The following KRTAP9-9 variants were observed in gnomAD, a reference collection of about 807,000 sequenced individuals.
KRTAP9-9 encodes the protein keratin associated protein 9-9.
KRTAP9-9 carries 12 observed loss-of-function variants against 13.7 expected under a neutral mutation model. The observed-to-expected ratio is 0.88, with a 90% CI of 0.56 to 1.42. The LOEUF is 1.42. KRTAP9-9 is among the 40% of genes most tolerant of loss of function. The pLI is 0.00. For missense variants in KRTAP9-9, 194 were observed against 206.5 expected, an observed-to-expected ratio of 0.94 and a Z score of 0.37; for synonymous variants, 81 against 78.1, an observed-to-expected ratio of 1.04 and a Z score of -0.19.
At position 41,256,213 on chromosome 17, in the gene KRTAP9-9, T is replaced by C. The variant is rs71371500; in HGVS notation, c.*318T>C. ...AGAAACTTAAGTTGCTGCAAATGAT[T>C]AAGAATCTTCACAACTATGTTTTCT... is the stretch of plus-strand genomic sequence containing the variant. On this transcript the variant is annotated 3_prime_UTR_variant, in exon 1 of 1. Coordinates refer to ENST00000394008, the Ensembl canonical transcript of KRTAP9-9. 2,757 of 508,648 alleles carry C rather than the reference T, an allele frequency of 5.4e-3. 74 individuals carry two copies. Among genetic ancestry groups the C allele is most frequent in the African/African-American group, 0.049 (2,536 of 51,848 alleles). 31.5% of individuals were successfully genotyped at this position (508,648 alleles called of 1,614,324 possible). A position where few individuals can be genotyped will look rare whatever the true frequency, so the allele number is the denominator to read the frequency against.
At chr17:41,255,601 G>A in exon 1 of KRTAP9-9, 2 of 1,613,766 alleles carry the variant, frequency 1.2e-6, no homozygotes, top group South Asian at 1.1e-5. Context: ...GCTGCTGCCA[G>A]CCTTCCTGCT....
exon 1 of KRTAP9-9, chr17:41,255,829 C>T (rs757366767): frequency 7.9e-5 from 128 of 1,613,186 alleles, no homozygotes; most frequent in Admixed American, 2.5e-4. Flanking sequence ...GTGAGACCAC[C>T]TGCTGCAGGA....
chr17:41,255,494 T>A, exon 1 of KRTAP9-9: 1 of 1,611,630 alleles, frequency 6.2e-7, no homozygotes, highest in South Asian at 1.1e-5. Flanking sequence ...CCAGCCCTCC[T>A]GCTGTGTGTC....
At chr17:41,255,728 T>G (rs773319507) in exon 1 of KRTAP9-9, 1 of 1,613,494 alleles carries the variant, frequency 6.2e-7, no homozygotes, top group East Asian at 2.2e-5. Flanking sequence ...CAGAAGAACC[T>G]GCTACTACCC....
At chr17:41,255,740 A>C (rs200798624) in exon 1 of KRTAP9-9, 1 of 1,612,778 alleles carries the variant, frequency 6.2e-7, no homozygotes, top group Non-Finnish European at 8.5e-7. Context: ...CTACTACCCG[A>C]CGACTGTCTG....
At chr17:41,256,212 T>A in exon 1 of KRTAP9-9, 1 of 508,938 alleles carries the variant, frequency 2.0e-6, no homozygotes. Context: ...CTGCAAATGA[T>A]TAAGAATCTT....
exon 1 of KRTAP9-9, chr17:41,255,704 G>T (rs374534574): frequency 6.2e-7 from 1 of 1,613,458 alleles, no homozygotes; most frequent in Non-Finnish European, 8.5e-7. Context: ...CAGCTCCTGT[G>T]CACCTGTGTA....
chr17:41,255,828 C>G (rs374837374), exon 1 of KRTAP9-9: 2 of 1,613,366 alleles, frequency 1.2e-6, no homozygotes, highest in Non-Finnish European at 1.7e-6. Flanking sequence ...TGTGAGACCA[C>G]CTGCTGCAGG....
At chr17:41,255,527 C>A (rs769367447) in exon 1 of KRTAP9-9, 1 of 1,612,398 alleles carries the variant, frequency 6.2e-7, no homozygotes, top group South Asian at 1.1e-5. Context: ...GCCTTGCTGC[C>A]GCCCAGCTTG....
At chr17:41,255,909 G>C (rs745877661) in exon 1 of KRTAP9-9, 4 of 1,613,274 alleles carry the variant, frequency 2.5e-6, no homozygotes, top group Non-Finnish European at 2.5e-6. Flanking sequence ...AGTCCCAAGA[G>C]AACAACCATC....
chr17:41,256,321 A>C (rs548068181), exon 1 of KRTAP9-9: 2 of 222,316 alleles, frequency 9.0e-6, no homozygotes, highest in South Asian at 2.1e-4. Flanking sequence ...CAGGGATCTT[A>C]CCTATATATT....
chr17:41,255,919 C>A (rs1376046626), exon 1 of KRTAP9-9: 14 of 1,592,130 alleles, frequency 8.8e-6, no homozygotes, highest in East Asian at 2.2e-5. Flanking sequence ...GAACAACCAT[C>A]TTCACACAAC....
At chr17:41,255,485 C>T in the KRTAP9-9 span, 3 of 1,595,084 alleles carry the variant, frequency 1.9e-6, no homozygotes, top group South Asian at 2.2e-5. Flanking sequence ...ACCCTGCTGC[C>T]AGCCCTCCTG....
exon 1 of KRTAP9-9, chr17:41,255,805 C>T (rs770190201): frequency 6.2e-7 from 1 of 1,613,160 alleles, no homozygotes; most frequent in Admixed American, 1.7e-5. Flanking sequence ...AGCCCTGCTG[C>T]CGCCCCGCCT....
rs550703790 is a variant in KRTAP9-9 at position 41,255,685 on chromosome 17, T to C, written c.300T>C (p.Cys100=). 2,092 of 1,613,732 alleles carry C rather than the reference T, an allele frequency of 1.3e-3. 26 individuals carry two copies. The African/African-American group carries it at 0.024, about 19-fold the overall frequency. The change falls in exon 1 of 1, where the codon TGT becomes TGC. Residue 100 remains cysteine (C), a synonymous_variant. Coordinates refer to ENST00000394008, the Ensembl canonical transcript of KRTAP9-9. ...GCCAAACCAGCTGTGGGTCCAGCTG[T>C]GGCCAGAGCAGCTCCTGTGCACCTG... is the stretch of plus-strand genomic sequence containing the variant.
rs150962386 is a variant in KRTAP9-9 at position 41,255,459 on chromosome 17, C to G, written c.74C>G (p.Thr25Ser). 12,755 of 1,574,620 alleles carry G rather than the reference C, an allele frequency of 8.1e-3. 830 individuals carry two copies. In the African/African-American group the frequency reaches 0.15, roughly 19 times the overall value. The change falls in exon 1 of 1, where the codon ACC (threonine) becomes AGC (serine). Residue 25 changes from threonine to serine, a missense_variant. Coordinates refer to ENST00000394008, the Ensembl canonical transcript of KRTAP9-9. Reference sequence around the variant, plus strand: ...ACCTGCTGGAAGCCCACCACTGTGACCACCTGCAGCAGCACACCCTGCTGC... The same window carrying G: ...ACCTGCTGGAAGCCCACCACTGTGAGCACCTGCAGCAGCACACCCTGCTGC...
In KRTAP9-9 at chr17:41,255,477, C is replaced by T. The variant is rs2016300991; in HGVS notation, c.92C>T (p.Pro31Leu). The T allele has an allele frequency of 1.9e-6, 3 of 1,593,360 alleles. No individual in the cohort carries two copies. In the South Asian group the frequency reaches 3.3e-5, roughly 18 times the overall value. ...ACTGTGACCACCTGCAGCAGCACACCCTGCTGCCAGCCCTCCTGCTGTGTG... is the reference window on the plus strand; with the variant it reads ...ACTGTGACCACCTGCAGCAGCACACTCTGCTGCCAGCCCTCCTGCTGTGTG... The change falls in exon 1 of 1, where the codon CCC (proline) becomes CTC (leucine). Residue 31 changes from proline to leucine, a missense_variant. Pro to Leu is a moderately conservative substitution (Grantham distance 98). Transcript: ENST00000394008.
chr17:41,255,735 A>T, exon 1 of KRTAP9-9: 1 of 1,610,868 alleles, frequency 6.2e-7, no homozygotes, highest in South Asian at 1.1e-5. Context: ...ACCTGCTACT[A>T]CCCGACGACT....
chr17:41,255,753 T>A, exon 1 of KRTAP9-9: 3 of 1,613,074 alleles, frequency 1.9e-6, no homozygotes, highest in Middle Eastern at 1.7e-4. Flanking sequence ...ACTGTCTGCC[T>A]GCCTGGTTGC....
Sources: allele counts gnomAD v4.1 joint callset, GRCh38; gene constraint gnomAD v4.1.1; transcripts MANE v1.5; gene names NCBI Gene and HGNC (gene_info 2026-07-23, HGNC 2026-07-21).